FAF1: variants seen among roughly 807,000 people sequenced by gnomAD.
FAF1 encodes FAS-associated factor 1.
FAF1 carries 25 observed loss-of-function variants against 92.5 expected under a neutral mutation model. That is an observed-to-expected ratio of 0.27 (90% CI 0.20 to 0.38). FAF1 has a LOEUF of 0.38. FAF1 is among the 10% of genes least tolerant of loss of function. The pLI is 1.00. For synonymous variants in FAF1, 234 were observed against 273.2 expected, an observed-to-expected ratio of 0.86 and a Z score of 1.42; for missense variants, 636 against 793.3, an observed-to-expected ratio of 0.80 and a Z score of 2.38.
intron 8 of FAF1, among the ~76,000 whole-genome samples, chr1:50,604,948 T>C (rs927263942): frequency 3.3e-5 from 5 of 152,210 alleles, no homozygotes; most frequent in Non-Finnish European, 2.9e-5. Flanking sequence ...TAAATGCTCC[T>C]GACTTACTTT....
intron 8 of FAF1, among the ~76,000 whole-genome samples, chr1:50,644,754 T>C (rs1044061204): frequency 2.0e-5 from 3 of 152,236 alleles, no homozygotes; most frequent in Non-Finnish European, 4.4e-5. Flanking sequence ...TGTCTTGCAG[T>C]TGTTTACAGA....
chr1:50,485,115 AATT>A (rs763755826), intron 17 of FAF1, among the ~76,000 whole-genome samples: 2 of 150,964 alleles, frequency 1.3e-5, no homozygotes, highest in African/African-American at 2.4e-5. Context: ...AAAAAAAAGA[AATT>A]ATTATTATTA....
intron 15 of FAF1, among the ~76,000 whole-genome samples, chr1:50,511,479 T>A (rs1647133578): frequency 6.6e-6 from 1 of 152,100 alleles, no homozygotes; most frequent in Admixed American, 6.6e-5. Flanking sequence ...CTCCCACTTA[T>A]GAGTGAGAAC....
At chr1:50,773,671 G>C (rs1212506927) in intron 4 of FAF1, among the ~76,000 whole-genome samples, 4 of 152,136 alleles carry the variant, frequency 2.6e-5, no homozygotes. Context: ...AGTTACCAGA[G>C]GCAAAGGCAT....
intron 13 of FAF1, among the ~76,000 whole-genome samples, chr1:50,546,120 C>G (rs947025174): frequency 1.4e-4 from 21 of 152,290 alleles, no homozygotes; most frequent in East Asian, 9.7e-4. Context: ...GAGCCATGAT[C>G]ATGACACTGC....
At chr1:50,686,317 C>T (rs1477422278) in intron 7 of FAF1, among the ~76,000 whole-genome samples, 1 of 152,004 alleles carries the variant, frequency 6.6e-6, no homozygotes, top group African/African-American at 2.4e-5. Flanking sequence ...CCAAGGCAGG[C>T]AGATCACCTG....
chr1:50,720,415 T>C (rs1658360349), intron 6 of FAF1, among the ~76,000 whole-genome samples: 1 of 152,252 alleles, frequency 6.6e-6, no homozygotes, highest in African/African-American at 2.4e-5. Context: ...ATTATATCAA[T>C]TTATTCTTGA....
chr1:50,485,453 G>C (rs1173858798), intron 17 of FAF1, among the ~76,000 whole-genome samples: 7 of 151,718 alleles, frequency 4.6e-5, no homozygotes, highest in Non-Finnish European at 1.0e-4. Flanking sequence ...AGGAGGTCAG[G>C]AGATCAAGAC....
chr1:50,667,177 A>G (rs1441603266), intron 7 of FAF1, among the ~76,000 whole-genome samples: 1 of 152,244 alleles, frequency 6.6e-6, no homozygotes, highest in Admixed American at 6.5e-5. Context: ...AAAATAAATC[A>G]AGGAAAAAGG....
At chr1:50,655,833 C>G (rs1655083407) in intron 7 of FAF1, among the ~76,000 whole-genome samples, 1 of 151,964 alleles carries the variant, frequency 6.6e-6, no homozygotes, top group African/African-American at 2.4e-5. Flanking sequence ...TCACTAAGGG[C>G]AAAGTACGAT....
At chr1:50,484,981 G>A (rs1247794451) in intron 17 of FAF1, among the ~76,000 whole-genome samples, 3 of 150,040 alleles carry the variant, frequency 2.0e-5, no homozygotes, top group Non-Finnish European at 4.4e-5. Context: ...AGGAGGGATA[G>A]CATTAGGAGA....
At chr1:50,642,398 C>T (rs1417303727) in intron 8 of FAF1, among the ~76,000 whole-genome samples, 1 of 151,928 alleles carries the variant, frequency 6.6e-6, no homozygotes, top group Non-Finnish European at 1.5e-5. Context: ...CACCTGTAAT[C>T]CCAGCACTTT....
At chr1:50,601,721 T>C (rs1455668921) in intron 8 of FAF1, among the ~76,000 whole-genome samples, 3 of 142,812 alleles carry the variant, frequency 2.1e-5, no homozygotes, top group Non-Finnish European at 3.0e-5. Context: ...ACACACACTA[T>C]ATATATTCAT....
chr1:50,659,595 T>G (rs1655282746), intron 7 of FAF1, among the ~76,000 whole-genome samples: 1 of 152,196 alleles, frequency 6.6e-6, no homozygotes, highest in African/African-American at 2.4e-5. Context: ...TACACATTTT[T>G]TTTTTGATCA....
At chr1:50,637,681 A>ATGTGTGTGTGTGTGTGTGTG (rs142201244) in intron 8 of FAF1, among the ~76,000 whole-genome samples, 51 of 137,156 alleles carry the variant, frequency 3.7e-4, no homozygotes, top group Non-Finnish European at 7.2e-4. Context: ...ACATATATAT[A>ATGTGTGTGTGTGTGTGTGTG]TGTGTGTGTG....
intron 1 of FAF1, among the ~76,000 whole-genome samples, chr1:50,887,107 G>C (rs919198866): frequency 1.3e-5 from 2 of 152,192 alleles, no homozygotes; most frequent in African/African-American, 2.4e-5. Flanking sequence ...TTGTGGTTTT[G>C]ATTTGCATTT....
chr1:50,580,951 T>G (rs1340635649), intron 12 of FAF1, among the ~76,000 whole-genome samples: 1 of 152,170 alleles, frequency 6.6e-6, no homozygotes, highest in African/African-American at 2.4e-5. Flanking sequence ...TTTGTATGAT[T>G]TTTTGTAAAG....
At chr1:50,906,669 G>T (rs564337682) in intron 1 of FAF1, among the ~76,000 whole-genome samples, 1 of 152,064 alleles carries the variant, frequency 6.6e-6, no homozygotes, top group Admixed American at 6.6e-5. Context: ...CTCATGATTC[G>T]GCTCTCTGTT....
chr1:50,794,479 T>C (rs1228763051), intron 3 of FAF1, among the ~76,000 whole-genome samples: 1 of 152,218 alleles, frequency 6.6e-6, no homozygotes, highest in African/African-American at 2.4e-5. Flanking sequence ...TAAATCTACA[T>C]TGAATCATAG....
Sources: gnomAD v4.1 joint callset for allele counts (sites outside exome capture counted in the v4.1 genomes callset) on GRCh38, gnomAD v4.1.1 for gene constraint, MANE v1.5 for transcripts, NCBI Gene and HGNC (gene_info 2026-07-23, HGNC 2026-07-21) for gene names.